The following FHIT variants were observed in gnomAD, a reference collection of about 807,000 sequenced individuals.
The protein encoded by FHIT is fragile histidine triad diadenosine triphosphatase.
A neutral mutation model predicts 17.9 loss-of-function variants in FHIT; 19 were observed. That is an observed-to-expected ratio of 1.06 (90% CI 0.74 to 1.56). The LOEUF is 1.56. Ranked by LOEUF, FHIT falls within the 40% of genes most tolerant of loss-of-function variation. The pLI, the probability that FHIT is intolerant of heterozygous loss-of-function variation, is 0.00. For synonymous variants in FHIT, 81 were observed against 69.7 expected, an observed-to-expected ratio of 1.16 and a Z score of -0.81; for missense variants, 248 against 189.2, an observed-to-expected ratio of 1.31 and a Z score of -1.82.
intron 4 of FHIT, among the ~76,000 whole-genome samples, chr3:60,748,316 T>A (rs1486803982): frequency 6.6e-6 from 1 of 152,166 alleles, no homozygotes; most frequent in Non-Finnish European, 1.5e-5. Context: ...AGGAGAAAAG[T>A]TTATTTATGT....
intron 7 of FHIT, among the ~76,000 whole-genome samples, chr3:59,970,710 T>G (rs3772474): frequency 0.09 from 13,629 of 152,092 alleles, 785 homozygotes; most frequent in African/African-American, 0.15. Context: ...TCCTGCCATT[T>G]GTTAATTTTT....
At chr3:60,668,784 C>G (rs1553693151) in intron 4 of FHIT, among the ~76,000 whole-genome samples, 2 of 151,994 alleles carry the variant, frequency 1.3e-5, no homozygotes, top group African/African-American at 4.8e-5. Context: ...CCAGGATGGT[C>G]TCGCTCTCCT....
intron 3 of FHIT, among the ~76,000 whole-genome samples, chr3:60,895,974 G>C (rs1705799406): frequency 6.6e-6 from 1 of 151,878 alleles, no homozygotes; most frequent in African/African-American, 2.4e-5. Context: ...TCTGTGGCCT[G>C]TTAGGAACTG....
intron 5 of FHIT, among the ~76,000 whole-genome samples, chr3:60,386,052 A>G (rs1700998199): frequency 6.6e-6 from 1 of 152,182 alleles, no homozygotes; most frequent in African/African-American, 2.4e-5. Context: ...CATGGGTTAC[A>G]TTAGAGGAAA....
At chr3:59,801,617 C>A (rs781106054) in intron 8 of FHIT, among the ~76,000 whole-genome samples, 2 of 152,122 alleles carry the variant, frequency 1.3e-5, no homozygotes, top group African/African-American at 4.8e-5. Flanking sequence ...TTTTATTAAA[C>A]AGCAGGGTGA....
At chr3:60,966,550 T>C (rs1281363533) in intron 3 of FHIT, among the ~76,000 whole-genome samples, 1 of 152,198 alleles carries the variant, frequency 6.6e-6, no homozygotes, top group South Asian at 2.1e-4. Context: ...GCTGTTCCTA[T>C]TCAGCCATCT....
chr3:61,236,232 TATAG>T (rs1201635989), intron 1 of FHIT, among the ~76,000 whole-genome samples: 1 of 148,060 alleles, frequency 6.8e-6, no homozygotes, highest in East Asian at 1.9e-4. Flanking sequence ...AATAATATAA[TATAG>T]ATATATAAAT....
intron 1 of FHIT, among the ~76,000 whole-genome samples, chr3:61,205,435 C>A (rs1349486569): frequency 1.3e-5 from 2 of 152,178 alleles, no homozygotes; most frequent in African/African-American, 4.8e-5. Context: ...TACAGTCCCA[C>A]CAACAGGGTA....
intron 8 of FHIT, among the ~76,000 whole-genome samples, chr3:59,874,812 A>C (rs1477473182): frequency 1.3e-5 from 2 of 152,156 alleles, no homozygotes; most frequent in Non-Finnish European, 2.9e-5. Context: ...TAGAGCCACA[A>C]GCTCTTCTAT....
intron 4 of FHIT, among the ~76,000 whole-genome samples, chr3:60,688,927 T>C (rs1332760301): frequency 7.2e-5 from 11 of 152,166 alleles, no homozygotes; most frequent in Admixed American, 6.5e-4. Context: ...CAACCAATCA[T>C]GGATTGAAAA....
intron 4 of FHIT, among the ~76,000 whole-genome samples, chr3:60,570,741 A>AAAG (rs2037347484): frequency 6.6e-6 from 1 of 150,716 alleles, no homozygotes; most frequent in African/African-American, 2.4e-5. Flanking sequence ...AAAAATTAAA[A>AAAG]AAAAAAAAAA....
At chr3:60,235,784 A>C (rs552510851) in intron 5 of FHIT, among the ~76,000 whole-genome samples, 25 of 152,300 alleles carry the variant, frequency 1.6e-4, no homozygotes, top group African/African-American at 5.5e-4. Flanking sequence ...TATGTTTCAT[A>C]AACAGGTTAG....
chr3:60,609,227 G>A (rs1288420157), intron 4 of FHIT, among the ~76,000 whole-genome samples: 1 of 152,114 alleles, frequency 6.6e-6, no homozygotes, highest in Non-Finnish European at 1.5e-5. Flanking sequence ...GGAGGCATAA[G>A]TATGTCCATC....
intron 5 of FHIT, among the ~76,000 whole-genome samples, chr3:60,048,226 G>C (rs1701730534): frequency 6.6e-6 from 1 of 152,134 alleles, no homozygotes; most frequent in African/African-American, 2.4e-5. Flanking sequence ...GTCCAGGCTG[G>C]AGTGCAGTGG....
chr3:60,695,032 G>A (rs537370794), intron 4 of FHIT, among the ~76,000 whole-genome samples: 2 of 152,220 alleles, frequency 1.3e-5, no homozygotes, highest in East Asian at 3.9e-4. Context: ...TGCACGTTGT[G>A]CACATGTACC....
intron 4 of FHIT, among the ~76,000 whole-genome samples, chr3:60,712,593 A>C (rs2041567251): frequency 6.6e-6 from 1 of 152,134 alleles, no homozygotes; most frequent in Admixed American, 6.5e-5. Flanking sequence ...TCTACCAAGC[A>C]AATGGAAAAC....
chr3:60,849,464 A>ATATATATATATATATATATATATATAT (rs1703059704), intron 3 of FHIT, among the ~76,000 whole-genome samples: 1 of 145,314 alleles, frequency 6.9e-6, no homozygotes, highest in South Asian at 2.2e-4. Flanking sequence ...ATATATATAT[A>ATATATATATATATATATATATATATAT]AAATTATTAT....
At chr3:61,156,061 T>A (rs757714361) in intron 2 of FHIT, among the ~76,000 whole-genome samples, 4 of 152,208 alleles carry the variant, frequency 2.6e-5, no homozygotes, top group Non-Finnish European at 5.9e-5. Context: ...ACATTTCACA[T>A]GTGTTGTCAC....
chr3:59,776,223 C>G (rs1257116896), intron 8 of FHIT, among the ~76,000 whole-genome samples: 1 of 152,238 alleles, frequency 6.6e-6, no homozygotes. Flanking sequence ...AGTCCCATAG[C>G]TTTTCTGCTC....
Sources: allele counts gnomAD v4.1 joint callset (sites outside exome capture counted in the v4.1 genomes callset), GRCh38; gene constraint gnomAD v4.1.1; transcripts MANE v1.5; gene names NCBI Gene and HGNC (gene_info 2026-07-23, HGNC 2026-07-21).